DLGAP2: variants seen among roughly 807,000 people sequenced by gnomAD.
DLGAP2 encodes disks large-associated protein 2.
DLGAP2 carries 26 observed loss-of-function variants against 100.3 expected under a neutral mutation model. That is an observed-to-expected ratio of 0.26 (90% CI 0.19 to 0.36). The LOEUF (loss-of-function observed/expected upper bound fraction) is 0.36. DLGAP2 is among the 10% of genes least tolerant of loss of function. The pLI, the probability that DLGAP2 is intolerant of heterozygous loss-of-function variation, is 1.00. For synonymous variants in DLGAP2, 886 were observed against 630.1 expected, an observed-to-expected ratio of 1.41 and a Z score of -6.08; for missense variants, 1,858 against 1,453.2, an observed-to-expected ratio of 1.28 and a Z score of -4.53.
intron 4 of DLGAP2, among the ~76,000 whole-genome samples, chr8:1,520,813 T>C (rs1397653461): frequency 2.0e-5 from 3 of 152,226 alleles, no homozygotes; most frequent in Non-Finnish European, 2.9e-5. Flanking sequence ...AATGTTGCTA[T>C]ACACATCTGT....
intron 4 of DLGAP2, among the ~76,000 whole-genome samples, chr8:1,538,072 G>A (rs374076289): frequency 6.6e-6 from 1 of 152,182 alleles, no homozygotes; most frequent in South Asian, 2.1e-4. Context: ...CTGGCCTGGG[G>A]CACCTGCAGG....
At chr8:902,186 CCCT>C (rs897947467) in intron 1 of DLGAP2, among the ~76,000 whole-genome samples, 4 of 152,210 alleles carry the variant, frequency 2.6e-5, no homozygotes, top group African/African-American at 9.6e-5. Flanking sequence ...CCGGCCGCTC[CCCT>C]CCTCGGGCGC....
chr8:1,583,071 C>T (rs1033975315), intron 6 of DLGAP2, among the ~76,000 whole-genome samples: 1 of 152,126 alleles, frequency 6.6e-6, no homozygotes, highest in African/African-American at 2.4e-5. Context: ...AACAATGGAT[C>T]GTGGAGGATA....
chr8:1,265,539 A>C (rs577253417), intron 3 of DLGAP2, among the ~76,000 whole-genome samples: 1 of 152,242 alleles, frequency 6.6e-6, no homozygotes, highest in Admixed American at 6.5e-5. Flanking sequence ...AAGCAGCATT[A>C]GTCAAAGAAG....
At chr8:1,314,577 C>T (rs968783610) in intron 3 of DLGAP2, among the ~76,000 whole-genome samples, 1 of 152,200 alleles carries the variant, frequency 6.6e-6, no homozygotes, top group African/African-American at 2.4e-5. Context: ...AGCATCACTC[C>T]TGTGTCACCG....
intron 2 of DLGAP2, among the ~76,000 whole-genome samples, chr8:1,227,183 A>ATATATC (rs1563265070): frequency 7.5e-6 from 1 of 132,534 alleles, no homozygotes; most frequent in African/African-American, 3.3e-5. Flanking sequence ...TAGTATAGAT[A>ATATATC]TATATTATCC....
chr8:1,203,737 C>T (rs935929663), intron 2 of DLGAP2, among the ~76,000 whole-genome samples: 1 of 152,222 alleles, frequency 6.6e-6, no homozygotes, highest in African/African-American at 2.4e-5. Flanking sequence ...GATTTCTCCA[C>T]TCTCACTTTA....
intron 2 of DLGAP2, among the ~76,000 whole-genome samples, chr8:969,055 A>C (rs1799950209): frequency 6.6e-6 from 1 of 152,086 alleles, no homozygotes; most frequent in African/African-American, 2.4e-5. Flanking sequence ...CATCAGTCAG[A>C]TGTTCTTCTG....
At chr8:830,254 G>A in intron 1 of DLGAP2, among the ~76,000 whole-genome samples, 1 of 152,046 alleles carries the variant, frequency 6.6e-6, no homozygotes, top group Middle Eastern at 3.2e-3. Flanking sequence ...ATCACATCAG[G>A]GTCAGTGGGG....
At chr8:1,032,769 C>G (rs569906440) in intron 2 of DLGAP2, 13 of 152,324 alleles carry the variant, frequency 8.5e-5, no homozygotes, top group African/African-American at 3.1e-4. Context: ...AGATGTGTTC[C>G]TGTGTGCTGC....
intron 2 of DLGAP2, among the ~76,000 whole-genome samples, chr8:1,089,573 C>T (rs913539319): frequency 6.6e-6 from 1 of 152,214 alleles, no homozygotes. Flanking sequence ...AGGCTGAGAG[C>T]ACTGAGGCCC....
intron 4 of DLGAP2, among the ~76,000 whole-genome samples, chr8:1,531,999 G>A (rs1242832320): frequency 1.3e-5 from 2 of 152,208 alleles, no homozygotes; most frequent in African/African-American, 2.4e-5. Context: ...TACGTAAGAA[G>A]TACACTGGTT....
chr8:1,418,933 A>G (rs570216387), intron 3 of DLGAP2, among the ~76,000 whole-genome samples: 1 of 152,232 alleles, frequency 6.6e-6, no homozygotes, highest in East Asian at 1.9e-4. Context: ...GGCTCACAGA[A>G]CTCGGGGAAA....
intron 2 of DLGAP2, among the ~76,000 whole-genome samples, chr8:951,178 A>C (rs1799469938): frequency 6.6e-6 from 1 of 152,154 alleles, no homozygotes; most frequent in Non-Finnish European, 1.5e-5. Context: ...CTATACCATA[A>C]TTTACTTCAA....
At chr8:1,682,717 GC>G (rs1194971505) in intron 12 of DLGAP2, among the ~76,000 whole-genome samples, 1 of 151,350 alleles carries the variant, frequency 6.6e-6, no homozygotes, top group Admixed American at 6.6e-5. Flanking sequence ...CAAGTGATCT[GC>G]CCCCCTTGCC....
chr8:1,487,489 G>T (rs1465107179), intron 3 of DLGAP2, among the ~76,000 whole-genome samples: 1 of 152,200 alleles, frequency 6.6e-6, no homozygotes, highest in Admixed American at 6.5e-5. Flanking sequence ...ACCTGTAATT[G>T]ATTGAGTTGA....
intron 4 of DLGAP2, among the ~76,000 whole-genome samples, chr8:1,524,608 C>T (rs531025214): frequency 4.6e-5 from 7 of 152,222 alleles, no homozygotes; most frequent in African/African-American, 7.2e-5. Flanking sequence ...GTCATCCCTC[C>T]GTGCGTTTTT....
chr8:1,519,341 T>C (rs1800508510), intron 4 of DLGAP2, among the ~76,000 whole-genome samples: 1 of 152,192 alleles, frequency 6.6e-6, no homozygotes, highest in African/African-American at 2.4e-5. Flanking sequence ...ATGTGCTTTG[T>C]GTGCCAAACA....
At chr8:1,063,821 C>G (rs947886675) in intron 2 of DLGAP2, among the ~76,000 whole-genome samples, 17 of 152,142 alleles carry the variant, frequency 1.1e-4, no homozygotes, top group African/African-American at 3.1e-4. Context: ...CTCGGTGCCT[C>G]TCCACACGGA....
Sources: allele counts gnomAD v4.1 joint callset (sites outside exome capture counted in the v4.1 genomes callset), GRCh38; gene constraint gnomAD v4.1.1; transcripts MANE v1.5; gene names NCBI Gene and HGNC (gene_info 2026-07-23, HGNC 2026-07-21).